ITGBL1: variants seen among roughly 807,000 people sequenced by gnomAD.
The protein encoded by ITGBL1 is integrin subunit beta like 1.
ITGBL1 carries 51 observed loss-of-function variants against 68.5 expected under a neutral mutation model. The observed-to-expected ratio is 0.74, with a 90% CI of 0.59 to 0.94. The LOEUF is 0.94. Among genes scored for constraint, ITGBL1 ranks in the 40% least tolerant of loss-of-function variants. ITGBL1 has a pLI of 0.00. For synonymous variants in ITGBL1, 209 were observed against 227.3 expected (o/e 0.92, Z 0.72); for missense variants, 649 against 647.4 (o/e 1.00, Z -0.03).
intron 7 of ITGBL1, among the ~76,000 whole-genome samples, chr13:101,622,913 GTA>G (rs200556723): frequency 8.2e-5 from 11 of 134,738 alleles, no homozygotes; most frequent in Non-Finnish European, 1.5e-4. Context: ...TGTGGGGTAT[GTA>G]TGTGTGTGTG....
intron 2 of ITGBL1, among the ~76,000 whole-genome samples, chr13:101,546,328 T>A (rs2049823227): frequency 6.6e-6 from 1 of 152,144 alleles, no homozygotes; most frequent in South Asian, 2.1e-4. Flanking sequence ...CATTATTGGG[T>A]GTTAAACGAT....
chr13:101,492,071 T>G (rs570992010), intron 2 of ITGBL1, among the ~76,000 whole-genome samples: 1 of 152,338 alleles, frequency 6.6e-6, no homozygotes, highest in East Asian at 1.9e-4. Context: ...TTTGCTATTG[T>G]GAATAGTGCT....
In ITGBL1 at chr13:101,622,925, G is replaced by GGGGTA. The variant is rs541879733; in HGVS notation, c.1015+24626_1015+24627insGGGTA. Among the ~76,000 whole-genome samples, 55 of 151,762 alleles carry GGGGTA rather than the reference G, an allele frequency of 3.6e-4. 1 individual carries two copies. In the East Asian group the frequency reaches 0.01, roughly 28 times the overall value. The stretch of plus-strand genomic sequence containing the variant: ...GTGTGTGGGGTATGTATGTGTGTGT[G>GGGGTA]TGTGTGTGTGTGTGTGTGTTTTCCT... On this transcript the variant is annotated intron_variant, in intron 7 of 10. Coordinates refer to ENST00000376180, the MANE Select transcript of ITGBL1 (RefSeq NM_004791.3).
intron 2 of ITGBL1, among the ~76,000 whole-genome samples, chr13:101,478,705 TCAAG>T (rs1019009715): frequency 7.2e-5 from 11 of 151,834 alleles, no homozygotes; most frequent in South Asian, 2.1e-4. Flanking sequence ...GAAAAAGAAA[TCAAG>T]AAAGTAACCT....
intron 10 of ITGBL1, 146 bp downstream of exon 10, chr13:101,714,697 G>C (rs984996549): frequency 1.6e-6 from 1 of 615,150 alleles, no homozygotes; most frequent in African/African-American, 1.8e-5. Flanking sequence ...GGGCATTTGG[G>C]AAAAAGCCCT....
intron 7 of ITGBL1, among the ~76,000 whole-genome samples, chr13:101,628,899 TATATA>T (rs1380614296): frequency 1.3e-5 from 2 of 152,124 alleles, no homozygotes; most frequent in Non-Finnish European, 2.9e-5. Flanking sequence ...TGTTCTGAGT[TATATA>T]ATACTGCTTA....
chr13:101,651,599 A>T (rs950556342), intron 7 of ITGBL1, among the ~76,000 whole-genome samples: 1 of 151,842 alleles, frequency 6.6e-6, no homozygotes, highest in African/African-American at 2.4e-5. Context: ...GAAGGCAAAA[A>T]TTTTTTCCCA....
At chr13:101,521,935 G>A (rs2049292127) in intron 2 of ITGBL1, among the ~76,000 whole-genome samples, 1 of 151,498 alleles carries the variant, frequency 6.6e-6, no homozygotes, top group Admixed American at 6.6e-5. Context: ...TTGGCTCTAG[G>A]TGAGGCATCT....
At chr13:101,660,847 G>A (rs977353085) in intron 7 of ITGBL1, among the ~76,000 whole-genome samples, 6 of 152,176 alleles carry the variant, frequency 3.9e-5, no homozygotes, top group Admixed American at 2.0e-4. Context: ...ATTGTCAAAT[G>A]TCTGGCATTT....
chr13:101,486,578 G>A (rs2048706027), intron 2 of ITGBL1, among the ~76,000 whole-genome samples: 1 of 152,216 alleles, frequency 6.6e-6, no homozygotes. Context: ...CAGGAGAGCA[G>A]GTTACTGGGG....
chr13:101,502,346 C>T (rs2048956533), intron 2 of ITGBL1, among the ~76,000 whole-genome samples: 1 of 152,146 alleles, frequency 6.6e-6, no homozygotes, highest in Non-Finnish European at 1.5e-5. Flanking sequence ...TGCTGGAGCC[C>T]TGTGTCCCAT....
At chr13:101,655,817 A>G (rs1594958540) in intron 7 of ITGBL1, among the ~76,000 whole-genome samples, 2 of 152,218 alleles carry the variant, frequency 1.3e-5, no homozygotes, top group Non-Finnish European at 2.9e-5. Flanking sequence ...AAGAGATGCT[A>G]TGAAAGCCTT....
At chr13:101,530,108 C>T (rs1446908637) in intron 2 of ITGBL1, among the ~76,000 whole-genome samples, 1 of 152,094 alleles carries the variant, frequency 6.6e-6, no homozygotes, top group African/African-American at 2.4e-5. Flanking sequence ...AGGTGGTACA[C>T]ATTAAACACT....
At chr13:101,646,048 T>C (rs534373149) in intron 7 of ITGBL1, among the ~76,000 whole-genome samples, 1 of 152,238 alleles carries the variant, frequency 6.6e-6, no homozygotes, top group Non-Finnish European at 1.5e-5. Context: ...TGCCAAAGAG[T>C]GAGTGCTCAG....
chr13:101,531,700 G>GTTATTTATTTTGTTATTTAT (rs1428797895), intron 2 of ITGBL1, among the ~76,000 whole-genome samples: 1 of 139,998 alleles, frequency 7.1e-6, no homozygotes, highest in African/African-American at 2.7e-5. Context: ...TTTTTATTTT[G>GTTATTTATTTTGTTATTTAT]TTATTTATTT....
At position 101,601,397 on chromosome 13, in the gene ITGBL1, C is replaced by A. The variant is rs540805287; in HGVS notation, c.1015+3098C>A. On this transcript the variant is annotated intron_variant, in intron 7 of 10. Coordinates refer to ENST00000376180, the MANE Select transcript of ITGBL1 (RefSeq NM_004791.3). ...TTTTCAAAAAACCAGCTCCTGGATT[C>A]ATTGATTTTTTGAAGGGTTTTTTGT... 1.2e-3 allele frequency among the ~76,000 whole-genome samples: 182 copies of A among 152,214 alleles called. 1 individual carries two copies. Among genetic ancestry groups the A allele is most frequent in the African/African-American group, 4.1e-3 (171 of 41,548 alleles).
At position 101,653,357 on chromosome 13, in the gene ITGBL1, C is replaced by G. The variant is rs187411185; in HGVS notation, c.1016-39228C>G. 6.8e-3 allele frequency among the ~76,000 whole-genome samples: 1,037 copies of G among 152,120 alleles called. 12 individuals carry two copies. The highest frequency in any genetic ancestry group is 7.8e-3 in the Non-Finnish European group (530 of 68,006). On this transcript the variant is annotated intron_variant, in intron 7 of 10. Transcript: ENST00000376180. ...TATTCAGGTGAATATTGGGATATCA[C>G]TGATTTTATCAGATTCATTATATTT...
At chr13:101,592,986 A>T (rs571499906) in intron 6 of ITGBL1, among the ~76,000 whole-genome samples, 116 of 152,276 alleles carry the variant, frequency 7.6e-4, no homozygotes, top group African/African-American at 2.7e-3. Context: ...ATAGACCTAC[A>T]TAATGGGAGA....
chr13:101,502,674 G>A (rs1048105641), intron 2 of ITGBL1, among the ~76,000 whole-genome samples: 2 of 152,122 alleles, frequency 1.3e-5, no homozygotes, highest in Non-Finnish European at 2.9e-5. Flanking sequence ...TTAATGCCTT[G>A]TTTGGCAATT....
Sources: allele counts gnomAD v4.1 joint callset (sites outside exome capture counted in the v4.1 genomes callset), GRCh38; gene constraint gnomAD v4.1.1; transcripts MANE v1.5; gene names NCBI Gene and HGNC (gene_info 2026-07-23, HGNC 2026-07-21).